NUP93: variants seen among roughly 807,000 people sequenced by gnomAD.
The protein encoded by NUP93 is nucleoporin 93.
In NUP93, 55 loss-of-function variants were observed where a neutral mutation model predicts 107.8. The ratio of observed to expected loss-of-function variants is 0.51; its 90% CI spans 0.41 to 0.64. The LOEUF (loss-of-function observed/expected upper bound fraction) is 0.64. Among genes scored for constraint, NUP93 ranks in the 30% least tolerant of loss-of-function variants. NUP93 has a pLI of 0.00. For missense variants in NUP93, 937 were observed against 1,044.7 expected (o/e 0.90, Z 1.42); for synonymous variants, 390 against 397.5 (o/e 0.98, Z 0.22).
intron 3 of NUP93, among the ~76,000 whole-genome samples, chr16:56,794,788 C>T (rs1463526383): frequency 1.3e-5 from 2 of 151,548 alleles, no homozygotes; most frequent in East Asian, 1.9e-4. Flanking sequence ...ATTAGCTGGG[C>T]GTGGTTGCAG....
chr16:56,763,307 T>G (rs1463982402), intron 3 of NUP93, among the ~76,000 whole-genome samples: 1 of 152,220 alleles, frequency 6.6e-6, no homozygotes, highest in Admixed American at 6.5e-5. Flanking sequence ...TTTCAGAATT[T>G]AATAGTAGTT....
At position 56,845,807 on chromosome 16, in the gene NUP93, C is replaced by G. The variant is rs1964109641; in HGVS notation, c.*1198C>G. The G allele has an allele frequency of 6.6e-6, 1 of 152,220 alleles. No homozygotes were observed. The highest frequency in any genetic ancestry group is 2.1e-4 in the South Asian group (1 of 4,834). 9.4% of individuals were successfully genotyped at this position (152,220 alleles called of 1,614,324 possible). A position where few individuals can be genotyped will look rare whatever the true frequency, so the allele number is the denominator to read the frequency against. On this transcript the variant is annotated 3_prime_UTR_variant, in exon 22 of 22. Transcript: ENST00000308159. ...TCTTGTCACAGGGTGTGGTCATCCC[C>G]ACTGTCTCCCAGTTGTTAAAATAAT... is the stretch of plus-strand genomic sequence containing the variant.
At chr16:56,802,848 T>C (rs1470670936) in intron 4 of NUP93, among the ~76,000 whole-genome samples, 1 of 152,226 alleles carries the variant, frequency 6.6e-6, no homozygotes, top group Non-Finnish European at 1.5e-5. Flanking sequence ...AGGCTTAAGC[T>C]GATGGGAAAC....
At chr16:56,757,352 C>T (rs935516659) in intron 2 of NUP93, among the ~76,000 whole-genome samples, 15 of 152,152 alleles carry the variant, frequency 9.9e-5, no homozygotes, top group African/African-American at 2.9e-4. Flanking sequence ...TGGTGGTTCA[C>T]GCCTGTAATC....
At chr16:56,835,682 G>T (rs1437053580) in intron 16 of NUP93, among the ~76,000 whole-genome samples, 1 of 152,212 alleles carries the variant, frequency 6.6e-6, no homozygotes, top group African/African-American at 2.4e-5. Flanking sequence ...ACCTGGTCTA[G>T]CCCTGAGAGT....
intron 3 of NUP93, among the ~76,000 whole-genome samples, chr16:56,768,866 C>CAAAA (rs10674596): frequency 0.029 from 3,910 of 135,448 alleles, 96 homozygotes; most frequent in East Asian, 0.099. Flanking sequence ...GACTCTGTCT[C>CAAAA]AAAAAAAAAA....
At chr16:56,778,397 A>G (rs915648598) in intron 3 of NUP93, among the ~76,000 whole-genome samples, 1 of 152,116 alleles carries the variant, frequency 6.6e-6, no homozygotes, top group African/African-American at 2.4e-5. Flanking sequence ...GCAGGTGTTG[A>G]AAGTTTCGAA....
intron 8 of NUP93, among the ~76,000 whole-genome samples, chr16:56,827,066 A>AAAAAAT (rs1469520713): frequency 1.4e-5 from 2 of 143,022 alleles, no homozygotes; most frequent in African/African-American, 5.1e-5. Context: ...AAAAAAAAAA[A>AAAAAAT]AAATTTTGTT....
chr16:56,780,994 C>CT (rs1308350557), intron 3 of NUP93, among the ~76,000 whole-genome samples: 5 of 152,090 alleles, frequency 3.3e-5, no homozygotes, highest in African/African-American at 1.2e-4. Flanking sequence ...ACTGAATTTC[C>CT]TTTTTTGACA....
chr16:56,791,227 G>T (rs922194363), intron 3 of NUP93, among the ~76,000 whole-genome samples: 52 of 152,270 alleles, frequency 3.4e-4, no homozygotes, highest in African/African-American at 1.2e-3. Flanking sequence ...CTTGTGTTTT[G>T]AAGGTCATGA....
Position 56,834,771 on chromosome 16 carries a change from G to T in NUP93, c.1775G>T (p.Ser592Ile), listed in dbSNP as rs1963877116. The part of the protein sequence containing the change: ...MILGKLENDG[S>I]RKPGVIDKFT... ...CTTGGGAAACTAGAGAATGACGGAA[G>T]TAGAAAGGTGAGTTAAATGCATCCT... The change falls in exon 16 of 22, where the codon AGT becomes ATT. Residue 592 changes from serine (S) to isoleucine (I), a missense_variant. Coordinates refer to ENST00000308159, the MANE Select transcript of NUP93 (RefSeq NM_014669.5). The T allele has an allele frequency of 1.9e-6, 3 of 1,611,418 alleles. No homozygotes were observed. The East Asian group carries it at 6.7e-5, about 36-fold the overall frequency.
At chr16:56,800,047 G>A (rs1454131337) in intron 4 of NUP93, among the ~76,000 whole-genome samples, 12 of 152,126 alleles carry the variant, frequency 7.9e-5, no homozygotes, top group East Asian at 5.8e-4. Flanking sequence ...GCCAGGTGTG[G>A]TGGCGCACAC....
At chr16:56,779,289 A>G (rs1962470080) in intron 3 of NUP93, among the ~76,000 whole-genome samples, 3 of 152,206 alleles carry the variant, frequency 2.0e-5, no homozygotes, top group South Asian at 4.1e-4. Flanking sequence ...TTGAACCACA[A>G]AAGTTCAATA....
Position 56,841,743 on chromosome 16 carries a change from G to T in NUP93, c.2259G>T (p.Met753Ile). 1 of 1,614,170 alleles carries T rather than the reference G, an allele frequency of 6.2e-7. No homozygotes were observed. Reference protein sequence around the residue: ...HNLSEVLLATMNILFTQFKRL... With the variant: ...HNLSEVLLATINILFTQFKRL... ...TCTCAGAAGTGCTTCTTGCCACCAT[G>T]AACATCTTGTTCACACAGTTTAAGA... The change falls in exon 21 of 22, where the codon ATG (methionine) becomes ATT (isoleucine). Residue 753 changes from methionine to isoleucine, a missense_variant. Transcript: ENST00000308159.
intron 4 of NUP93, 86 bp from the exon 5 acceptor site, chr16:56,805,418 G>C: frequency 2.7e-6 from 4 of 1,489,502 alleles, no homozygotes; most frequent in Non-Finnish European, 2.8e-6. Context: ...GGTTGGTCTG[G>C]AGGGCTTTAG....
Position 56,830,535 on chromosome 16 carries a change from A to G in NUP93, c.935A>G (p.Glu312Gly). 1 of 1,572,258 alleles carries G rather than the reference A, an allele frequency of 6.4e-7. No individual in the cohort carries two copies. The stretch of plus-strand genomic sequence containing the variant: ...TAACTGTTCCTCTTTTAGGATGGAG[A>G]GGTGGAAGGCCATCCTGTGTGGGCG... ...PAPLPGLQDG[E>G]VEGHPVWALI... Residue 312 changes from glutamate to glycine, a missense_variant, in exon 10 of 22, where the codon GAG becomes GGG. Transcript: ENST00000308159.
chr16:56,833,320 G>A lies in NUP93; in HGVS notation c.1451G>A (p.Arg484Gln), dbSNP rs1415790883. 6.8e-6 allele frequency: 11 copies of A among 1,607,256 alleles called. No homozygotes were observed. The highest frequency in any genetic ancestry group is 1.3e-5 in the African/African-American group (1 of 74,568). ...AAVAFLFRMERLRCHAVHVAL... is the reference protein window; with the variant it reads ...AAVAFLFRMEQLRCHAVHVAL... ...GTTGCCTTTCTTTTCCGCATGGAGC[G>A]GCTGCGCTGCCATGCTGTCCATGTA... Residue 484 changes from arginine to glutamine, a missense_variant, in exon 13 of 22, where the codon CGG becomes CAG. Transcript: ENST00000308159.
chr16:56,833,296 T>C lies in NUP93; in HGVS notation c.1427T>C (p.Val476Ala). 1 of 1,607,428 alleles carries C rather than the reference T, an allele frequency of 6.2e-7. No individual in the cohort carries two copies. Among genetic ancestry groups the C allele is most frequent in the Non-Finnish European group, 8.5e-7 (1 of 1,177,926 alleles). Residue 476 changes from valine to alanine, a missense_variant, in exon 13 of 22, where the codon GTT becomes GCT. Transcript: ENST00000308159. ...CTGACAGCGCAGTTTGAAGCAGCAG[T>C]TGCCTTTCTTTTCCGCATGGAGCGG... is the stretch of plus-strand genomic sequence containing the variant. ...LFLTAQFEAA[V>A]AFLFRMERLR...
At chr16:56,774,645 C>T (rs1962380223) in intron 3 of NUP93, among the ~76,000 whole-genome samples, 1 of 152,134 alleles carries the variant, frequency 6.6e-6, no homozygotes, top group Non-Finnish European at 1.5e-5. Context: ...CTTCTCTTGG[C>T]TTTGAAGAGA....
Sources: allele counts gnomAD v4.1 joint callset (sites outside exome capture counted in the v4.1 genomes callset), GRCh38; gene constraint gnomAD v4.1.1; transcripts MANE v1.5; gene names NCBI Gene and HGNC (gene_info 2026-07-23, HGNC 2026-07-21).